Variants in DLGAP2 observed in about 807,000 individuals in gnomAD.
The protein encoded by DLGAP2 is DLG associated protein 2, also known as disks large-associated protein 2.
Under a neutral mutation model 100.3 loss-of-function variants are expected in DLGAP2, and 26 were observed. That is an observed-to-expected ratio of 0.26 (90% CI 0.19 to 0.36). The LOEUF is 0.36. Among genes scored for constraint, DLGAP2 ranks in the 10% least tolerant of loss-of-function variants. The pLI is 1.00. For missense variants in DLGAP2, 1,858 were observed against 1,453.2 expected (o/e 1.28, Z -4.53); for synonymous variants, 886 against 630.1 (o/e 1.41, Z -6.08).
chr8:1,342,007 A>G (rs763797857), intron 3 of DLGAP2, among the ~76,000 whole-genome samples: 4 of 151,976 alleles, frequency 2.6e-5, no homozygotes, highest in Admixed American at 6.6e-5. Context: ...CTGGAGTGCA[A>G]TGGTGTGATC....
intron 3 of DLGAP2, among the ~76,000 whole-genome samples, chr8:1,452,362 C>T (rs140531590): frequency 1.8e-3 from 268 of 152,368 alleles, no homozygotes; most frequent in African/African-American, 6.1e-3. Context: ...GGGAACAGCA[C>T]CAAACATCAG....
At chr8:1,690,503 G>A (rs1188753698) in intron 12 of DLGAP2, among the ~76,000 whole-genome samples, 7 of 150,440 alleles carry the variant, frequency 4.7e-5, no homozygotes, top group South Asian at 2.1e-4. Context: ...TCGGGAGTTC[G>A]AGACCAGCCT....
chr8:1,245,669 A>C (rs1406063423), intron 2 of DLGAP2, among the ~76,000 whole-genome samples: 1 of 152,260 alleles, frequency 6.6e-6, no homozygotes, highest in South Asian at 2.1e-4. Context: ...GGATGGCTGC[A>C]CAGCTCTGTG....
intron 1 of DLGAP2, among the ~76,000 whole-genome samples, chr8:818,868 G>T (rs993278187): frequency 1.2e-4 from 19 of 152,132 alleles, no homozygotes; most frequent in African/African-American, 4.6e-4. Flanking sequence ...TGTTTTCTTG[G>T]TGACTATAAA....
At chr8:1,633,319 AG>A (rs11322995) in intron 8 of DLGAP2, among the ~76,000 whole-genome samples, 54,954 of 151,976 alleles carry the variant, frequency 0.36, 12,881 homozygotes, top group African/African-American at 0.67. Context: ...GAGAGGAGAA[AG>A]AAATGGAAGT....
intron 8 of DLGAP2, among the ~76,000 whole-genome samples, chr8:1,664,314 G>A (rs528847425): frequency 2.4e-4 from 37 of 152,236 alleles, no homozygotes; most frequent in Admixed American, 1.3e-3. Flanking sequence ...ATGTCCGCTG[G>A]CCCGTCCTAC....
At chr8:1,631,705 C>T (rs1797651665) in intron 7 of DLGAP2, among the ~76,000 whole-genome samples, 1 of 152,146 alleles carries the variant, frequency 6.6e-6, no homozygotes, top group Non-Finnish European at 1.5e-5. Context: ...GCTTTGCTGC[C>T]CTTTGCTCAC....
chr8:905,873 A>G (rs1798369290), intron 1 of DLGAP2, among the ~76,000 whole-genome samples: 2 of 135,628 alleles, frequency 1.5e-5, no homozygotes, highest in African/African-American at 5.6e-5. Flanking sequence ...GGCCCTTTCC[A>G]ATACTGTCGC....
chr8:795,875 CA>C (rs1796021137), intron 1 of DLGAP2, among the ~76,000 whole-genome samples: 1 of 129,222 alleles, frequency 7.7e-6, no homozygotes. Context: ...AGCAGGCGTC[CA>C]GTGAGAGCAG....
Position 955,811 on chromosome 8 carries a change from A to G in DLGAP2, c.73+47845A>G, listed in dbSNP as rs571157456. On this transcript the variant is annotated intron_variant, in intron 2 of 14. Coordinates refer to ENST00000637795, the MANE Select transcript of DLGAP2 (RefSeq NM_001346810.2). ...TCCCAATATCTTACCTTGTTGAACA[A>G]ATGTGGTGCCCTTGCCATTTGCAGC... Among the ~76,000 whole-genome samples, 171 of 152,298 alleles carry G rather than the reference A, an allele frequency of 1.1e-3. 1 individual carries two copies. Among genetic ancestry groups the G allele is most frequent in the South Asian group, 1.2e-3 (6 of 4,830 alleles).
chr8:1,040,889 C>T (rs1802327215), intron 2 of DLGAP2, among the ~76,000 whole-genome samples: 1 of 152,212 alleles, frequency 6.6e-6, no homozygotes. Context: ...CACGCACCCT[C>T]ATTCCTGGAG....
intron 3 of DLGAP2, among the ~76,000 whole-genome samples, chr8:1,268,059 C>T (rs1044210446): frequency 2.0e-5 from 3 of 152,098 alleles, no homozygotes; most frequent in South Asian, 2.1e-4. Context: ...TCTGAGATTG[C>T]GACAATTACC....
chr8:1,490,863 G>A (rs1430344527), intron 3 of DLGAP2, among the ~76,000 whole-genome samples: 2 of 151,360 alleles, frequency 1.3e-5, no homozygotes, highest in Non-Finnish European at 2.9e-5. Flanking sequence ...ATCACACACC[G>A]GGGACGGTTG....
At chr8:1,320,744 C>A (rs1398877592) in intron 3 of DLGAP2, among the ~76,000 whole-genome samples, 1 of 152,230 alleles carries the variant, frequency 6.6e-6, no homozygotes, top group Non-Finnish European at 1.5e-5. Context: ...CAGACCTCTC[C>A]AACTCCTGCG....
chr8:1,190,111 A>G (rs1385832183), intron 2 of DLGAP2, among the ~76,000 whole-genome samples: 1 of 152,128 alleles, frequency 6.6e-6, no homozygotes, highest in Non-Finnish European at 1.5e-5. Context: ...TCTTACTGCT[A>G]ATAATAAACA....
At chr8:1,676,431 A>C in intron 10 of DLGAP2, 102 bp from the exon 11 acceptor site, 1 of 1,272,100 alleles carries the variant, frequency 7.9e-7, no homozygotes, top group Non-Finnish European at 1.1e-6. Flanking sequence ...TTAATTAAAC[A>C]AATGCGTAAT....
At position 1,126,221 on chromosome 8, in the gene DLGAP2, C is replaced by G. The variant is rs1255992549; in HGVS notation, c.74-132630C>G. Among the ~76,000 whole-genome samples the G allele has an allele frequency of 2.6e-5, 4 of 152,212 alleles. No homozygotes were observed. In the East Asian group the frequency reaches 5.8e-4, roughly 22 times the overall value. On this transcript the variant is annotated intron_variant, in intron 2 of 14. Coordinates refer to ENST00000637795, the MANE Select transcript of DLGAP2 (RefSeq NM_001346810.2). ...GGCAGAGCCATGGATTTTCACAGCC[C>G]TGTACCCTTTATTCTCAAAAATAGG...
At chr8:1,189,257 C>T (rs551695399) in intron 2 of DLGAP2, among the ~76,000 whole-genome samples, 4 of 152,166 alleles carry the variant, frequency 2.6e-5, no homozygotes, top group African/African-American at 9.7e-5. Context: ...ACACAGGGTT[C>T]GGGCCCCAGC....
intron 3 of DLGAP2, among the ~76,000 whole-genome samples, chr8:1,277,597 G>A (rs1799729072): frequency 6.6e-6 from 1 of 152,188 alleles, no homozygotes; most frequent in Non-Finnish European, 1.5e-5. Context: ...GTATCAGCCA[G>A]GTAGGTCAGC....
Sources: gnomAD v4.1 joint callset for allele counts (sites outside exome capture counted in the v4.1 genomes callset) on GRCh38, gnomAD v4.1.1 for gene constraint, MANE v1.5 for transcripts, NCBI Gene and HGNC (gene_info 2026-07-23, HGNC 2026-07-21) for gene names.